Variants in CLOCK observed in about 807,000 individuals in gnomAD.
CLOCK encodes circadian locomoter output cycles protein kaput.
Under a neutral mutation model 118.4 loss-of-function variants are expected in CLOCK, and 43 were observed. That is an observed-to-expected ratio of 0.36 (90% CI 0.28 to 0.47). The LOEUF is 0.47. Among genes scored for constraint, CLOCK ranks in the 20% least tolerant of loss-of-function variants. CLOCK has a pLI of 1.00. For synonymous variants in CLOCK, 326 were observed against 339.2 expected (o/e 0.96, Z 0.43); for missense variants, 846 against 999.9 (o/e 0.85, Z 2.08).
Position 55,459,276 on chromosome 4 carries a change from A to T in CLOCK, c.560-15T>A. 1 of 1,439,708 alleles carries T rather than the reference A, an allele frequency of 6.9e-7. No homozygotes were observed. The highest frequency in any genetic ancestry group is 1.1e-5 in the South Asian group (1 of 87,156). The allele number at this position is 1,439,708 out of a possible 1,614,324, so 89.2% of individuals were successfully genotyped here. ...CTGATTTTTTGCTGAAATAAAAGAG[A>T]TTTTAAAAATCACATATTTCTGATA... On this transcript the variant is annotated splice_polypyrimidine_tract_variant and intron_variant, in intron 9 of 22. Coordinates refer to ENST00000513440, the MANE Select transcript of CLOCK (RefSeq NM_004898.4).
intron 1 of CLOCK, among the ~76,000 whole-genome samples, chr4:55,515,722 T>C (rs1365772407): frequency 6.6e-6 from 1 of 152,148 alleles, no homozygotes; most frequent in African/African-American, 2.4e-5. Flanking sequence ...TCTGCTTACT[T>C]TGTATTTAAT....
intron 1 of CLOCK, among the ~76,000 whole-genome samples, chr4:55,535,121 A>G (rs781429628): frequency 6.6e-6 from 1 of 151,686 alleles, no homozygotes; most frequent in Non-Finnish European, 1.5e-5. Flanking sequence ...TTGGAGAGCC[A>G]AAGGCCTCGC....
In CLOCK at chr4:55,444,760, G is replaced by C; in HGVS notation, c.1565C>G (p.Ala522Gly). 6.2e-7 allele frequency: 1 copy of C among 1,613,982 alleles called. No individual in the cohort carries two copies. Among genetic ancestry groups the C allele is most frequent in the Non-Finnish European group, 8.5e-7 (1 of 1,179,976 alleles). Residue 522 changes from alanine (A) to glycine (G), a missense_variant, in exon 19 of 23, where the codon GCC (alanine) becomes GGC (glycine). Coordinates refer to ENST00000513440, the MANE Select transcript of CLOCK (RefSeq NM_004898.4). ...SQFQFSAQLGAMQHLKDQLEQ... is the reference protein window; with the variant it reads ...SQFQFSAQLGGMQHLKDQLEQ... ...CAATTGGTCTTTCAGATGTTGCATG[G>C]CTCCTAATTGAGCTGAAAACTGAAA...
intron 3 of CLOCK, among the ~76,000 whole-genome samples, chr4:55,488,319 C>T (rs1727439926): frequency 6.6e-6 from 1 of 152,180 alleles, no homozygotes; most frequent in Non-Finnish European, 1.5e-5. Context: ...AGATAAATCA[C>T]ACTTCTACAT....
At chr4:55,449,538 A>C in intron 16 of CLOCK, 42 bp from the exon 17 acceptor site, 1 of 1,478,292 alleles carries the variant, frequency 6.8e-7, no homozygotes, top group Non-Finnish European at 9.5e-7. Flanking sequence ...ACTTTATAAA[A>C]TATAGTTTTT....
At chr4:55,531,887 G>T (rs1730577623) in intron 1 of CLOCK, among the ~76,000 whole-genome samples, 1 of 142,522 alleles carries the variant, frequency 7.0e-6, no homozygotes, top group African/African-American at 2.5e-5. Flanking sequence ...AATGAATAGT[G>T]ATTTTTTAAA....
Position 55,434,825 on chromosome 4 carries a change from T to C in CLOCK, c.*590A>G, listed in dbSNP as rs1722754217. 6.4e-6 allele frequency: 1 copy of C among 157,154 alleles called. No homozygotes were observed. The highest frequency in any genetic ancestry group is 2.4e-5 in the African/African-American group (1 of 41,460). The allele number at this position is 157,154 out of a possible 1,614,324, so 9.7% of individuals were successfully genotyped here. A position where few individuals can be genotyped will look rare whatever the true frequency, so the allele number is the denominator to read the frequency against. ...GCTTTCATGCAGCATACAAAATGTT[T>C]TGCTTTCTCTCCTTTTATCTAGACA... On this transcript the variant is annotated 3_prime_UTR_variant, in exon 23 of 23. Transcript: ENST00000513440.
intron 22 of CLOCK, among the ~76,000 whole-genome samples, chr4:55,436,963 CTG>C (rs1400386781): frequency 5.1e-5 from 7 of 136,982 alleles, no homozygotes; most frequent in Non-Finnish European, 9.1e-5. Context: ...ACTTAGAAGA[CTG>C]AGATGTTAAG....
intron 19 of CLOCK, 120 bp from the exon 20 acceptor site, chr4:55,444,016 C>G (rs1252873672): frequency 5.1e-6 from 4 of 779,228 alleles, no homozygotes; most frequent in Non-Finnish European, 8.3e-6. Flanking sequence ...AAGGCTAAGT[C>G]ACTTTGAAGA....
intron 3 of CLOCK, chr4:55,486,467 T>C (rs1727303016): frequency 6.6e-6 from 1 of 152,198 alleles, no homozygotes; most frequent in Non-Finnish European, 1.5e-5. Flanking sequence ...AGTTAGGTCA[T>C]ATTCCCTGTT....
chr4:55,472,453 AAGT>A (rs1459211377), intron 7 of CLOCK, among the ~76,000 whole-genome samples: 1 of 152,228 alleles, frequency 6.6e-6, no homozygotes, highest in Non-Finnish European at 1.5e-5. Flanking sequence ...AGTGGAGAAG[AAGT>A]AGAAGATACA....
At chr4:55,442,386 A>G (rs760479305) in intron 21 of CLOCK, 46 bp downstream of exon 21, 22 of 1,502,464 alleles carry the variant, frequency 1.5e-5, no homozygotes, top group Non-Finnish European at 1.9e-5. Flanking sequence ...TTTTCTAATC[A>G]ATCGGTTTAC....
At chr4:55,500,562 G>C (rs536564215) in intron 2 of CLOCK, among the ~76,000 whole-genome samples, 1 of 151,970 alleles carries the variant, frequency 6.6e-6, no homozygotes, top group Non-Finnish European at 1.5e-5. Flanking sequence ...TGTTGCCCAG[G>C]CTGGTCTCTA....
intron 1 of CLOCK, among the ~76,000 whole-genome samples, chr4:55,512,463 T>G (rs1178171614): frequency 6.6e-6 from 1 of 152,178 alleles, no homozygotes; most frequent in African/African-American, 2.4e-5. Flanking sequence ...AAGAGTCCAT[T>G]GTGTACTTTG....
At chr4:55,456,367 TA>T in intron 11 of CLOCK, 67 bp from the exon 12 acceptor site, 1 of 1,125,190 alleles carries the variant, frequency 8.9e-7, no homozygotes, top group Non-Finnish European at 1.3e-6. Flanking sequence ...TTGCTACATA[TA>T]AAAATAAGTC....
intron 2 of CLOCK, among the ~76,000 whole-genome samples, chr4:55,499,850 T>C (rs944225556): frequency 2.0e-5 from 3 of 152,176 alleles, no homozygotes; most frequent in African/African-American, 4.8e-5. Flanking sequence ...GGTAGGACCT[T>C]TGTGTGTTCA....
intron 2 of CLOCK, among the ~76,000 whole-genome samples, chr4:55,494,264 A>G (rs1057355225): frequency 9.9e-5 from 15 of 152,182 alleles, no homozygotes; most frequent in African/African-American, 3.6e-4. Context: ...CAGCAGGAAG[A>G]AAGAGGGAGC....
chr4:55,462,089 T>C (rs1725381204), intron 9 of CLOCK, among the ~76,000 whole-genome samples: 2 of 152,254 alleles, frequency 1.3e-5, no homozygotes, highest in Non-Finnish European at 2.9e-5. Flanking sequence ...CTTGTTTAAC[T>C]AGGAGATCAG....
In CLOCK at chr4:55,428,141, G is replaced by A. The variant is rs147542210; in HGVS notation, c.*7274C>T. The A allele has an allele frequency of 3.3e-4, 50 of 152,276 alleles. No homozygotes were observed. The highest frequency in any genetic ancestry group is 1.1e-3 in the African/African-American group (47 of 41,558). The allele number at this position is 152,276 out of a possible 1,614,324, so 9.4% of individuals were successfully genotyped here. On this transcript the variant is annotated 3_prime_UTR_variant, in exon 23 of 23. Coordinates refer to ENST00000513440, the MANE Select transcript of CLOCK (RefSeq NM_004898.4). Reference sequence around the variant, plus strand: ...CTCTTTTGCTATAAGTTTAGGTTCTGAATACATGACAAGAGTATGGGAAAG... The same window carrying A: ...CTCTTTTGCTATAAGTTTAGGTTCTAAATACATGACAAGAGTATGGGAAAG...
Sources: gnomAD v4.1 joint callset for allele counts (sites outside exome capture counted in the v4.1 genomes callset) on GRCh38, gnomAD v4.1.1 for gene constraint, MANE v1.5 for transcripts, NCBI Gene and HGNC (gene_info 2026-07-23, HGNC 2026-07-21) for gene names.